The following KCNIP4 variants were observed in gnomAD, a reference collection of about 807,000 sequenced individuals.
KCNIP4 encodes the protein potassium voltage-gated channel interacting protein 4, also known as Kv channel-interacting protein 4.
Under a neutral mutation model 34.0 loss-of-function variants are expected in KCNIP4, and 12 were observed. The ratio of observed to expected loss-of-function variants is 0.35; its 90% CI spans 0.23 to 0.57. The LOEUF (loss-of-function observed/expected upper bound fraction) is 0.57. KCNIP4 is among the 20% of genes least tolerant of loss of function. The pLI, the probability that KCNIP4 is intolerant of heterozygous loss-of-function variation, is 0.83. For synonymous variants in KCNIP4, 124 were observed against 102.2 expected (o/e 1.21, Z -1.29); for missense variants, 238 against 311.7 (o/e 0.76, Z 1.78).
Position 21,220,477 on chromosome 4 carries a change from G to A in KCNIP4, c.62-337768C>T, listed in dbSNP as rs533143091. Among the ~76,000 whole-genome samples, 11 of 152,244 alleles carry A rather than the reference G, an allele frequency of 7.2e-5. No homozygotes were observed. The South Asian group carries it at 2.3e-3, about 32-fold the overall frequency. On this transcript the variant is annotated intron_variant, in intron 1 of 8. Coordinates refer to ENST00000382152, the MANE Select transcript of KCNIP4 (RefSeq NM_025221.6). ...TAATGTAAATGATGAGTTAATGGGT[G>A]CAGCACACCAACATGGCACATGTAT...
At chr4:21,066,148 G>C (rs1469435086) in intron 1 of KCNIP4, among the ~76,000 whole-genome samples, 7 of 151,992 alleles carry the variant, frequency 4.6e-5, no homozygotes, top group South Asian at 2.1e-4. Flanking sequence ...CAACAACACC[G>C]GTGGGAAATT....
chr4:21,296,988 GTA>G (rs1361928920), intron 1 of KCNIP4, among the ~76,000 whole-genome samples: 1 of 151,554 alleles, frequency 6.6e-6, no homozygotes, highest in African/African-American at 2.4e-5. Context: ...ATTTATATAT[GTA>G]TGTGTGTGTG....
At chr4:21,562,686 C>T (rs1739563968) in intron 1 of KCNIP4, among the ~76,000 whole-genome samples, 1 of 151,924 alleles carries the variant, frequency 6.6e-6, no homozygotes, top group African/African-American at 2.4e-5. Context: ...TGCATATTTT[C>T]TAGAAGGCCA....
intron 1 of KCNIP4, chr4:21,697,587 G>A (rs974017047): frequency 3.6e-6 from 5 of 1,372,482 alleles, no homozygotes; most frequent in East Asian, 6.1e-5. Flanking sequence ...AGCTGTTAGC[G>A]CCTCAATCAG....
intron 1 of KCNIP4, among the ~76,000 whole-genome samples, chr4:21,778,534 A>G (rs1719351518): frequency 1.3e-5 from 2 of 151,904 alleles, no homozygotes; most frequent in African/African-American, 2.4e-5. Flanking sequence ...GGGTGTATAT[A>G]TTTTTTGTTT....
intron 1 of KCNIP4, among the ~76,000 whole-genome samples, chr4:21,504,499 GAAA>G (rs1423106371): frequency 1.6e-4 from 21 of 130,722 alleles, no homozygotes; most frequent in African/African-American, 5.4e-4. Flanking sequence ...AAGAAAGAAA[GAAA>G]GAAAGGAAGG....
Position 21,863,260 on chromosome 4 carries a change from AT to A in KCNIP4, c.61+85310del, listed in dbSNP as rs34972685. Reference sequence around the variant, plus strand: ...ATGGCTAATAAATTCCACGGATTGAATTTTTTTTTTTTTTTTGGCAGATGGT... The same window carrying A: ...ATGGCTAATAAATTCCACGGATTGAATTTTTTTTTTTTTTTGGCAGATGGT... On this transcript the variant is annotated intron_variant, in intron 1 of 8. Transcript: ENST00000382152. Among the ~76,000 whole-genome samples the A allele has an allele frequency of 6.9e-3, 980 of 141,704 alleles. 5 individuals carry two copies. Among genetic ancestry groups the A allele is most frequent in the African/African-American group, 0.023 (886 of 38,824 alleles). 93.0% of individuals were successfully genotyped at this position (141,704 alleles called of 152,430 possible). A position where few individuals can be genotyped will look rare whatever the true frequency, so the allele number is the denominator to read the frequency against.
intron 1 of KCNIP4, among the ~76,000 whole-genome samples, chr4:21,341,208 T>C (rs540773851): frequency 7.2e-5 from 11 of 152,234 alleles, no homozygotes; most frequent in African/African-American, 2.6e-4. Flanking sequence ...AGAGGGAATA[T>C]AGCCCTGCAG....
chr4:21,297,100 G>GTA (rs1190028653), intron 1 of KCNIP4, among the ~76,000 whole-genome samples: 1 of 138,746 alleles, frequency 7.2e-6, no homozygotes, highest in Admixed American at 7.7e-5. Context: ...TATCAAATAT[G>GTA]TGTATATATA....
intron 1 of KCNIP4, among the ~76,000 whole-genome samples, chr4:21,055,018 T>G (rs909346558): frequency 3.3e-5 from 5 of 152,196 alleles, no homozygotes; most frequent in African/African-American, 1.2e-4. Flanking sequence ...AAGATACATC[T>G]GACAAAGAAT....
chr4:21,011,811 C>T (rs1739086684), intron 1 of KCNIP4, among the ~76,000 whole-genome samples: 1 of 152,170 alleles, frequency 6.6e-6, no homozygotes, highest in Non-Finnish European at 1.5e-5. Context: ...CCTACTCTTA[C>T]ACTATCCCCA....
chr4:21,614,029 T>C (rs1334383902), intron 1 of KCNIP4, among the ~76,000 whole-genome samples: 1 of 150,984 alleles, frequency 6.6e-6, no homozygotes. Context: ...CATGCACCTG[T>C]AATCCAGCTA....
At chr4:21,850,425 T>G (rs1253853798) in intron 1 of KCNIP4, 1 of 152,072 alleles carries the variant, frequency 6.6e-6, no homozygotes, top group Non-Finnish European at 1.5e-5. Flanking sequence ...TAATGGGTTT[T>G]AATGGCATGG....
At chr4:21,826,579 G>C (rs567471757) in intron 1 of KCNIP4, among the ~76,000 whole-genome samples, 1 of 151,752 alleles carries the variant, frequency 6.6e-6, no homozygotes, top group Non-Finnish European at 1.5e-5. Context: ...ATTTTTAAAC[G>C]GTCACTGAAA....
At chr4:21,611,377 G>A (rs942904185) in intron 1 of KCNIP4, among the ~76,000 whole-genome samples, 7 of 152,102 alleles carry the variant, frequency 4.6e-5, no homozygotes, top group Non-Finnish European at 8.8e-5. Context: ...CAGATCTTAT[G>A]AGAACTCACT....
intron 1 of KCNIP4, among the ~76,000 whole-genome samples, chr4:21,556,987 TA>T (rs1266916808): frequency 7.0e-6 from 1 of 143,040 alleles, no homozygotes; most frequent in Non-Finnish European, 1.5e-5. Context: ...TAAAGCTATA[TA>T]AAAATGTTGT....
At chr4:20,993,624 T>C (rs1737282351) in intron 1 of KCNIP4, among the ~76,000 whole-genome samples, 1 of 152,120 alleles carries the variant, frequency 6.6e-6, no homozygotes, top group Non-Finnish European at 1.5e-5. Context: ...TGGGAATGAG[T>C]TTTCCTAGAA....
At chr4:21,490,427 C>A (rs568533053) in intron 1 of KCNIP4, among the ~76,000 whole-genome samples, 1 of 152,182 alleles carries the variant, frequency 6.6e-6, no homozygotes, top group Admixed American at 6.6e-5. Flanking sequence ...CCCCAAGAAA[C>A]CCACACATTA....
chr4:20,950,822 A>C (rs6858759), intron 1 of KCNIP4, among the ~76,000 whole-genome samples: 2 of 152,070 alleles, frequency 1.3e-5, no homozygotes, highest in East Asian at 1.9e-4. Context: ...TCAAAAAGAA[A>C]AGTAACATTA....
Sources: allele counts gnomAD v4.1 joint callset (sites outside exome capture counted in the v4.1 genomes callset), GRCh38; gene constraint gnomAD v4.1.1; transcripts MANE v1.5; gene names NCBI Gene and HGNC (gene_info 2026-07-23, HGNC 2026-07-21).